Variants in PRMT3 observed in about 807,000 individuals in gnomAD.
The protein encoded by PRMT3 is protein arginine N-methyltransferase 3.
PRMT3 carries 62 observed loss-of-function variants against 71.9 expected under a neutral mutation model. The observed-to-expected ratio is 0.86, with a 90% CI of 0.70 to 1.07. PRMT3 has a LOEUF of 1.07. PRMT3 is among the 50% of genes least tolerant of loss of function. The probability of loss-of-function intolerance (pLI) is 0.00; values close to 1 mark genes in which losing one functional copy is unlikely to be tolerated. For missense variants in PRMT3, 663 were observed against 643.0 expected (o/e 1.03, Z -0.34); for synonymous variants, 213 against 220.4 (o/e 0.97, Z 0.30).
intron 13 of PRMT3, among the ~76,000 whole-genome samples, chr11:20,484,263 A>G (rs1851017648): frequency 6.6e-6 from 1 of 152,214 alleles, no homozygotes; most frequent in African/African-American, 2.4e-5. Flanking sequence ...AAATATAGTG[A>G]GTGTTATTAC....
At chr11:20,437,735 A>G (rs1401435912) in intron 10 of PRMT3, among the ~76,000 whole-genome samples, 3 of 151,850 alleles carry the variant, frequency 2.0e-5, no homozygotes, top group Non-Finnish European at 4.4e-5. Context: ...GACTACAAGC[A>G]CTCGCCACCA....
intron 9 of PRMT3, among the ~76,000 whole-genome samples, chr11:20,414,172 A>G (rs949565397): frequency 2.0e-5 from 3 of 152,152 alleles, no homozygotes; most frequent in Admixed American, 6.6e-5. Context: ...TGGGCAAGAT[A>G]GAACTGTCTC....
intron 9 of PRMT3, among the ~76,000 whole-genome samples, chr11:20,422,830 T>TTTATTAATTATTAATAA (rs1330222217): frequency 1.3e-5 from 2 of 152,190 alleles, no homozygotes; most frequent in Admixed American, 6.5e-5. Context: ...AGTTTTAAAC[T>TTTATTAATTATTAATAA]TTATTAATAA....
At chr11:20,400,845 T>C (rs969164243) in intron 7 of PRMT3, among the ~76,000 whole-genome samples, 9 of 151,574 alleles carry the variant, frequency 5.9e-5, no homozygotes, top group Admixed American at 2.6e-4. Flanking sequence ...AAGGTTGATA[T>C]AAAAAAAATT....
chr11:20,491,290 T>C (rs76334792), intron 13 of PRMT3, among the ~76,000 whole-genome samples: 560 of 152,338 alleles, frequency 3.7e-3, no homozygotes, highest in Non-Finnish European at 6.5e-3. Flanking sequence ...CTTTAAAGTT[T>C]TGCTTGATAG....
At chr11:20,398,759 G>A (rs947929616) in intron 7 of PRMT3, among the ~76,000 whole-genome samples, 1 of 152,180 alleles carries the variant, frequency 6.6e-6, no homozygotes, top group Non-Finnish European at 1.5e-5. Flanking sequence ...GTGACATGCT[G>A]TACAGGTTTG....
At chr11:20,501,535 A>T (rs929881798) in intron 15 of PRMT3, among the ~76,000 whole-genome samples, 1 of 152,170 alleles carries the variant, frequency 6.6e-6, no homozygotes. Flanking sequence ...CTATAGTTAT[A>T]TTGAAACTAA....
At chr11:20,440,701 C>T (rs1328802079) in intron 10 of PRMT3, among the ~76,000 whole-genome samples, 1 of 151,812 alleles carries the variant, frequency 6.6e-6, no homozygotes, top group Non-Finnish European at 1.5e-5. Context: ...ATTAATTTTT[C>T]TTGAATTTTA....
chr11:20,503,560 A>G (rs967828568), intron 15 of PRMT3, among the ~76,000 whole-genome samples: 2 of 151,974 alleles, frequency 1.3e-5, no homozygotes, highest in Non-Finnish European at 2.9e-5. Context: ...CTTTGTCATT[A>G]TATGTTAGTA....
At chr11:20,444,031 C>G (rs911993066) in intron 10 of PRMT3, among the ~76,000 whole-genome samples, 3 of 152,102 alleles carry the variant, frequency 2.0e-5, no homozygotes, top group African/African-American at 7.2e-5. Flanking sequence ...GATTCTTCTT[C>G]TTGCGTGGAA....
intron 13 of PRMT3, among the ~76,000 whole-genome samples, chr11:20,469,956 A>G (rs1197874315): frequency 6.6e-6 from 1 of 152,226 alleles, no homozygotes; most frequent in East Asian, 1.9e-4. Context: ...TTAAAAAAGA[A>G]GCAGACTTTT....
chr11:20,443,982 G>A (rs1400592368), intron 10 of PRMT3, among the ~76,000 whole-genome samples: 2 of 152,106 alleles, frequency 1.3e-5, no homozygotes, highest in South Asian at 2.1e-4. Flanking sequence ...ACAGTAGCAC[G>A]CATATAATAG....
intron 13 of PRMT3, among the ~76,000 whole-genome samples, chr11:20,475,431 C>G (rs1056543685): frequency 6.6e-6 from 1 of 152,172 alleles, no homozygotes; most frequent in Non-Finnish European, 1.5e-5. Flanking sequence ...CGCTTTCATT[C>G]TTCTCTGTGA....
chr11:20,451,680 C>T (rs1850151937), intron 10 of PRMT3, among the ~76,000 whole-genome samples: 1 of 152,006 alleles, frequency 6.6e-6, no homozygotes, highest in Admixed American at 6.6e-5. Flanking sequence ...ACAGTAGATG[C>T]CAGTAGCATC....
At chr11:20,463,365 TAA>T (rs1850431921) in intron 12 of PRMT3, among the ~76,000 whole-genome samples, 1 of 152,174 alleles carries the variant, frequency 6.6e-6, no homozygotes, top group African/African-American at 2.4e-5. Context: ...ACAGTGAGAA[TAA>T]AGAGTTTATT....
rs138697834 is a variant in PRMT3, at chr11:20,402,943, C to G, written c.730C>G (p.Arg244Gly). Residue 244 changes from arginine to glycine, a missense_variant, in exon 8 of 16, where the codon CGA becomes GGA. By Grantham distance (125) the Arg-to-Gly change is moderately radical. Coordinates refer to ENST00000331079, the MANE Select transcript of PRMT3 (RefSeq NM_005788.4). ...LKDKIRTESYRDFIYQNPHIF... is the reference protein window; with the variant it reads ...LKDKIRTESYGDFIYQNPHIF... ...GGACAAAATACGAACAGAAAGCTAC[C>G]GAGATTTCATATACCAAAATCCACA... is the stretch of plus-strand genomic sequence containing the variant. 2.5e-6 allele frequency: 4 copies of G among 1,608,822 alleles called. No individual in the cohort carries two copies. The highest frequency in any genetic ancestry group is 3.4e-6 in the Non-Finnish European group (4 of 1,175,436).
intron 15 of PRMT3, among the ~76,000 whole-genome samples, chr11:20,498,839 T>C (rs564601362): frequency 6.6e-6 from 1 of 152,354 alleles, no homozygotes; most frequent in South Asian, 2.1e-4. Flanking sequence ...ACAAGAAATA[T>C]GTTCTTTAAT....
At chr11:20,453,918 T>G (rs1850210770) in intron 11 of PRMT3, among the ~76,000 whole-genome samples, 1 of 152,186 alleles carries the variant, frequency 6.6e-6, no homozygotes, top group Non-Finnish European at 1.5e-5. Flanking sequence ...TGGGTTCATG[T>G]CAGTGCTTAA....
intron 13 of PRMT3, among the ~76,000 whole-genome samples, chr11:20,486,126 A>G (rs1035533786): frequency 6.6e-6 from 1 of 152,228 alleles, no homozygotes; most frequent in African/African-American, 2.4e-5. Flanking sequence ...ATATGATTCC[A>G]TTTAGATGAA....
Sources: allele counts gnomAD v4.1 joint callset (sites outside exome capture counted in the v4.1 genomes callset), GRCh38; gene constraint gnomAD v4.1.1; transcripts MANE v1.5; gene names NCBI Gene and HGNC (gene_info 2026-07-23, HGNC 2026-07-21).